Variants in MMP20 observed in about 807,000 individuals in gnomAD.
MMP20 encodes the protein matrix metallopeptidase 20.
MMP20 carries 50 observed loss-of-function variants against 51.8 expected under a neutral mutation model. The observed-to-expected ratio is 0.97, with a 90% CI of 0.77 to 1.22. MMP20 has a LOEUF of 1.22. Ranked by LOEUF, MMP20 falls within the 50% of genes most tolerant of loss-of-function variation. MMP20 has a pLI of 0.00. For synonymous variants in MMP20, 244 were observed against 216.2 expected, an observed-to-expected ratio of 1.13 and a Z score of -1.13; for missense variants, 663 against 601.4, an observed-to-expected ratio of 1.10 and a Z score of -1.07.
At chr11:102,606,435 A>G in intron 6 of MMP20, 100 bp downstream of exon 6, 1 of 1,486,258 alleles carries the variant, frequency 6.7e-7, no homozygotes, top group South Asian at 1.2e-5. Context: ...GCATTTCTGC[A>G]TGATCTTCAT....
intron 8 of MMP20, among the ~76,000 whole-genome samples, chr11:102,589,708 C>T (rs1859295295): frequency 6.6e-6 from 1 of 152,184 alleles, no homozygotes; most frequent in African/African-American, 2.4e-5. Flanking sequence ...TCTACACCTT[C>T]TCTTGAATGT....
At chr11:102,613,932 G>A (rs929869309) in intron 2 of MMP20, among the ~76,000 whole-genome samples, 1 of 152,206 alleles carries the variant, frequency 6.6e-6, no homozygotes, top group East Asian at 1.9e-4. Flanking sequence ...AGCTGACTTT[G>A]TGTGTTGGCC....
intron 6 of MMP20, among the ~76,000 whole-genome samples, chr11:102,602,739 C>A (rs959274012): frequency 5.9e-5 from 9 of 152,136 alleles, no homozygotes; most frequent in African/African-American, 2.2e-4. Context: ...AACCTTTATG[C>A]TTACTCTATT....
At chr11:102,621,124 T>G (rs578020849) in intron 1 of MMP20, among the ~76,000 whole-genome samples, 35 of 152,320 alleles carry the variant, frequency 2.3e-4, no homozygotes, top group African/African-American at 7.7e-4. Flanking sequence ...CCTTTGGCTC[T>G]CTCTCTATTT....
intron 8 of MMP20, among the ~76,000 whole-genome samples, chr11:102,587,344 G>A (rs1859266079): frequency 6.6e-6 from 1 of 152,156 alleles, no homozygotes; most frequent in Non-Finnish European, 1.5e-5. Flanking sequence ...TTTTAAATTT[G>A]TTGAGACTTG....
At chr11:102,601,115 G>T (rs1282580590) in intron 6 of MMP20, among the ~76,000 whole-genome samples, 1 of 141,856 alleles carries the variant, frequency 7.0e-6, no homozygotes, top group Non-Finnish European at 1.5e-5. Context: ...ACCACGAAGT[G>T]TCGGCTATTC....
At chr11:102,584,535 G>A (rs1198778922) in intron 8 of MMP20, among the ~76,000 whole-genome samples, 1 of 152,096 alleles carries the variant, frequency 6.6e-6, no homozygotes, top group Non-Finnish European at 1.5e-5. Flanking sequence ...TTCTTTATCA[G>A]ATATATGACT....
intron 9 of MMP20, among the ~76,000 whole-genome samples, chr11:102,577,998 A>G (rs17098554): frequency 0.049 from 7,385 of 151,962 alleles, 211 homozygotes; most frequent in Non-Finnish European, 0.059. Context: ...GCCCTGTGCT[A>G]TTTTTTCAAG....
At chr11:102,610,764 T>C (rs1327985879) in intron 3 of MMP20, among the ~76,000 whole-genome samples, 2 of 152,070 alleles carry the variant, frequency 1.3e-5, no homozygotes, top group Non-Finnish European at 2.9e-5. Context: ...AGTTTGTTTT[T>C]TTTTTTTAAA....
chr11:102,593,714 A>G, intron 7 of MMP20, 119 bp from the exon 8 acceptor site: 2 of 1,136,926 alleles, frequency 1.8e-6, no homozygotes, highest in Non-Finnish European at 2.6e-6. Context: ...TGCCATGGCT[A>G]TAACCCAACA....
At position 102,578,488 on chromosome 11, in the gene MMP20, T is replaced by A. The variant is rs569685608; in HGVS notation, c.1351+551A>T. Among the ~76,000 whole-genome samples, 65 of 152,310 alleles carry A rather than the reference T, an allele frequency of 4.3e-4. No homozygotes were observed. In the South Asian group the frequency reaches 0.013, roughly 32 times the overall value. On this transcript the variant is annotated intron_variant, in intron 9 of 9. Transcript: ENST00000260228. ...AAAGGTAATCTTGACCCCGGTAGACTTTATGATCTAGCTGACTAATCGATT... is the reference window on the plus strand; with the variant it reads ...AAAGGTAATCTTGACCCCGGTAGACATTATGATCTAGCTGACTAATCGATT...
At chr11:102,579,315 T>A (rs901575030) in intron 8 of MMP20, among the ~76,000 whole-genome samples, 173 bp from the exon 9 acceptor site, 1 of 151,864 alleles carries the variant, frequency 6.6e-6, no homozygotes, top group Non-Finnish European at 1.5e-5. Context: ...TTCTTTGTTG[T>A]GTTTTTGTTT....
intron 6 of MMP20, among the ~76,000 whole-genome samples, chr11:102,596,023 A>C (rs2012989318): frequency 6.6e-6 from 1 of 152,210 alleles, no homozygotes; most frequent in Non-Finnish European, 1.5e-5. Context: ...AGCACCTATC[A>C]TCAGGCACTG....
At chr11:102,598,144 C>T (rs1859404597) in intron 6 of MMP20, among the ~76,000 whole-genome samples, 3 of 152,040 alleles carry the variant, frequency 2.0e-5, no homozygotes, top group African/African-American at 7.3e-5. Flanking sequence ...TGTCTTGTGG[C>T]AATAAAACAG....
intron 8 of MMP20, among the ~76,000 whole-genome samples, chr11:102,593,176 G>A (rs1333420041): frequency 1.3e-5 from 2 of 152,128 alleles, no homozygotes; most frequent in African/African-American, 2.4e-5. Context: ...CTAGGTGTCC[G>A]GTTAATGAGT....
chr11:102,585,309 A>G (rs1859242553), intron 8 of MMP20, among the ~76,000 whole-genome samples: 1 of 152,162 alleles, frequency 6.6e-6, no homozygotes, highest in African/African-American at 2.4e-5. Context: ...CTACAAAACA[A>G]CATTTTCCAT....
At chr11:102,587,250 G>A (rs1448019940) in intron 8 of MMP20, among the ~76,000 whole-genome samples, 2 of 152,052 alleles carry the variant, frequency 1.3e-5, no homozygotes, top group African/African-American at 4.8e-5. Flanking sequence ...CCACATATTT[G>A]TAAGTTTTCT....
intron 8 of MMP20, among the ~76,000 whole-genome samples, chr11:102,584,314 T>C (rs942179204): frequency 2.0e-5 from 3 of 152,198 alleles, no homozygotes; most frequent in African/African-American, 7.2e-5. Context: ...TTTTTGATTA[T>C]GGCATTCTAG....
In MMP20 at chr11:102,616,940, T is replaced by G; in HGVS notation, c.246A>C (p.Gln82His). 1 of 1,614,214 alleles carries G rather than the reference T, an allele frequency of 6.2e-7. No homozygotes were observed. The highest frequency in any genetic ancestry group is 8.5e-7 in the Non-Finnish European group (1 of 1,180,044). ...IKELQAFFGL[Q>H]VTGKLDQTTM... ...TGGTCTGGTCTAACTTCCCGGTGAC[T>G]TGGAGGCCAAAGAACGCTTGTAGCT... The change falls in exon 2 of 10, where the codon CAA (glutamine) becomes CAC (histidine). Residue 82 changes from glutamine (Q) to histidine (H), a missense_variant. Transcript: ENST00000260228.
Sources: gnomAD v4.1 joint callset for allele counts (sites outside exome capture counted in the v4.1 genomes callset) on GRCh38, gnomAD v4.1.1 for gene constraint, MANE v1.5 for transcripts, NCBI Gene and HGNC (gene_info 2026-07-23, HGNC 2026-07-21) for gene names.